The following PPP1R9A variants were observed in gnomAD, a reference collection of about 807,000 sequenced individuals.
PPP1R9A encodes the protein protein phosphatase 1 regulatory subunit 9A.
A neutral mutation model predicts 141.9 loss-of-function variants in PPP1R9A; 59 were observed. That is an observed-to-expected ratio of 0.42 (90% CI 0.34 to 0.52). The LOEUF is 0.52. Ranked by LOEUF, PPP1R9A falls within the 20% of genes least tolerant of loss-of-function variation. The pLI is 0.10. For synonymous variants in PPP1R9A, 500 were observed against 569.7 expected (o/e 0.88, Z 1.74); for missense variants, 1,444 against 1,611.9 (o/e 0.90, Z 1.78).
At chr7:95,108,302 C>CGTTTCTTTTTTTTTTTTTTTT (rs1204011323) in intron 2 of PPP1R9A, among the ~76,000 whole-genome samples, 3 of 68,760 alleles carry the variant, frequency 4.4e-5, no homozygotes, top group Non-Finnish European at 6.5e-5. Flanking sequence ...TTTTTCGTTT[C>CGTTTCTTTTTTTTTTTTTTTT]TTTTCTTTTT....
intron 8 of PPP1R9A, among the ~76,000 whole-genome samples, chr7:95,237,910 T>C (rs577235384): frequency 1.8e-4 from 27 of 152,140 alleles, no homozygotes; most frequent in Non-Finnish European, 3.5e-4. Flanking sequence ...ACAATGTCCA[T>C]TCTTTTTTCT....
rs755030331 is a variant in PPP1R9A at position 95,251,749 on chromosome 7, T to C, written c.2397-13T>C. The C allele has an allele frequency of 1.2e-6, 2 of 1,604,128 alleles. No individual in the cohort carries two copies. Among genetic ancestry groups the C allele is most frequent in the South Asian group, 2.2e-5 (2 of 90,640 alleles). On this transcript the variant is annotated splice_polypyrimidine_tract_variant and intron_variant, in intron 10 of 19. Coordinates refer to ENST00000433360, the MANE Select transcript of PPP1R9A (RefSeq NM_001166160.2). Reference sequence around the variant, plus strand: ...GTGTATGATATAATCAGAACTATTATTTTCTTCTTAAGAGAGCTTGATTTC... The same window carrying C: ...GTGTATGATATAATCAGAACTATTACTTTCTTCTTAAGAGAGCTTGATTTC...
chr7:95,034,604 C>T (rs1405781225), intron 2 of PPP1R9A, among the ~76,000 whole-genome samples: 1 of 152,122 alleles, frequency 6.6e-6, no homozygotes, highest in Non-Finnish European at 1.5e-5. Context: ...CTGCCAGCCT[C>T]AGCCTCCCAA....
intron 2 of PPP1R9A, among the ~76,000 whole-genome samples, chr7:95,102,668 G>T (rs1282317649): frequency 6.6e-6 from 1 of 152,098 alleles, no homozygotes. Flanking sequence ...GTTTAAGTAT[G>T]GAAATAATGA....
intron 3 of PPP1R9A, among the ~76,000 whole-genome samples, chr7:95,116,290 A>T (rs1821501501): frequency 1.3e-5 from 2 of 152,310 alleles, no homozygotes; most frequent in Admixed American, 1.3e-4. Context: ...CAAATAAAAG[A>T]TGAAAAGCAT....
intron 2 of PPP1R9A, among the ~76,000 whole-genome samples, chr7:95,030,601 T>G (rs1270165831): frequency 6.6e-6 from 1 of 152,162 alleles, no homozygotes; most frequent in Non-Finnish European, 1.5e-5. Context: ...AGTTTTCCTG[T>G]CCAAGTGTTA....
intron 5 of PPP1R9A, among the ~76,000 whole-genome samples, chr7:95,179,032 G>T (rs1378410382): frequency 6.6e-6 from 1 of 152,004 alleles, no homozygotes; most frequent in Non-Finnish European, 1.5e-5. Context: ...TATGAAGCCG[G>T]CATCACCCTA....
At chr7:95,049,708 C>T (rs1250272927) in intron 2 of PPP1R9A, among the ~76,000 whole-genome samples, 1 of 152,116 alleles carries the variant, frequency 6.6e-6, no homozygotes, top group African/African-American at 2.4e-5. Flanking sequence ...CTGCCAATTG[C>T]TAATGTTTTT....
chr7:95,118,752 C>CTT (rs1821959168), intron 3 of PPP1R9A, among the ~76,000 whole-genome samples: 1 of 148,360 alleles, frequency 6.7e-6, no homozygotes, highest in African/African-American at 2.5e-5. Context: ...CAGGAGATTG[C>CTT]TTGAGCCCAG....
chr7:94,920,517 A>G (rs1408569523), intron 2 of PPP1R9A, among the ~76,000 whole-genome samples: 2 of 152,114 alleles, frequency 1.3e-5, no homozygotes, highest in African/African-American at 4.8e-5. Flanking sequence ...TACTTAATCT[A>G]TTTCATTGGT....
chr7:95,143,957 G>T (rs1441586289), intron 4 of PPP1R9A, among the ~76,000 whole-genome samples: 1 of 151,776 alleles, frequency 6.6e-6, no homozygotes, highest in Non-Finnish European at 1.5e-5. Flanking sequence ...TATTCATCAA[G>T]CTAATTAACA....
chr7:95,237,165 G>GTA (rs921319736), intron 8 of PPP1R9A, among the ~76,000 whole-genome samples: 13 of 138,106 alleles, frequency 9.4e-5, no homozygotes, highest in Non-Finnish European at 1.4e-4. Context: ...GTGTGTATGT[G>GTA]TATATATATA....
At chr7:95,241,788 A>G (rs1797501836) in intron 8 of PPP1R9A, among the ~76,000 whole-genome samples, 1 of 152,178 alleles carries the variant, frequency 6.6e-6, no homozygotes, top group African/African-American at 2.4e-5. Context: ...GGATAATAAC[A>G]TTAAGTTATC....
intron 4 of PPP1R9A, among the ~76,000 whole-genome samples, chr7:95,127,467 A>T (rs1209729973): frequency 6.6e-6 from 1 of 150,898 alleles, no homozygotes; most frequent in African/African-American, 2.4e-5. Flanking sequence ...TGCATGGAAT[A>T]CTTTGCATCT....
At position 95,066,164 on chromosome 7, in the gene PPP1R9A, T is replaced by C. The variant is rs180805252; in HGVS notation, c.1396-45095T>C. ...AATCTGACTGGTGTCCTTATAAGAA[T>C]AGGAAATTTGGACATACTTAGCGGT... On this transcript the variant is annotated intron_variant, in intron 2 of 19. Coordinates refer to ENST00000433360, the MANE Select transcript of PPP1R9A (RefSeq NM_001166160.2). Among the ~76,000 whole-genome samples the C allele has an allele frequency of 3.3e-5, 5 of 152,242 alleles. No homozygotes were observed. In the East Asian group the frequency reaches 9.7e-4, roughly 29 times the overall value.
At chr7:95,133,173 A>C (rs906048578) in intron 4 of PPP1R9A, among the ~76,000 whole-genome samples, 1 of 152,146 alleles carries the variant, frequency 6.6e-6, no homozygotes, top group Non-Finnish European at 1.5e-5. Flanking sequence ...AGGAAAGTGC[A>C]TGCTGATTGG....
chr7:95,191,383 T>G (rs1459336727), intron 5 of PPP1R9A, among the ~76,000 whole-genome samples: 1 of 152,182 alleles, frequency 6.6e-6, no homozygotes, highest in Non-Finnish European at 1.5e-5. Flanking sequence ...TGGTACATAA[T>G]TATGTTTTGA....
At position 95,288,570 on chromosome 7, in the gene PPP1R9A, A is replaced by G. The variant is rs1378238672; in HGVS notation, c.3764A>G (p.Gln1255Arg). The change falls in exon 19 of 20, where the codon CAG becomes CGG. Residue 1255 changes from glutamine to arginine, a missense_variant. By Grantham distance (43) the Gln-to-Arg change is conservative (BLOSUM62 1). Coordinates refer to ENST00000433360, the MANE Select transcript of PPP1R9A (RefSeq NM_001166160.2). ...GATGGACAGTCTCCCAAACACAGTC[A>G]GTGTCAGAATCGGGCCGTTCAGGAA... ...LDDGQSPKHS[Q>R]CQNRAVQEWS... The G allele has an allele frequency of 6.2e-7, 1 of 1,614,086 alleles. No homozygotes were observed. The highest frequency in any genetic ancestry group is 1.7e-5 in the Admixed American group (1 of 59,978).
intron 2 of PPP1R9A, among the ~76,000 whole-genome samples, chr7:95,087,205 A>G (rs1816745874): frequency 6.6e-6 from 1 of 151,908 alleles, no homozygotes; most frequent in Non-Finnish European, 1.5e-5. Context: ...ATAGTTTCTC[A>G]CTCTTTAAGA....
Sources: allele counts gnomAD v4.1 joint callset (sites outside exome capture counted in the v4.1 genomes callset), GRCh38; gene constraint gnomAD v4.1.1; transcripts MANE v1.5; gene names NCBI Gene and HGNC (gene_info 2026-07-23, HGNC 2026-07-21).